The following QTMAN variants were observed in gnomAD, a reference collection of about 807,000 sequenced individuals.
QTMAN encodes queuosine-tRNA mannosyltransferase, also known as tRNA-queuosine alpha-mannosyltransferase.
chr2:144,313,549 G>T, the QTMAN span, among the ~76,000 whole-genome samples: 2 of 151,982 alleles, frequency 1.3e-5, no homozygotes, highest in Non-Finnish European at 2.9e-5. Context: ...TTCTTCATCT[G>T]GTCATACAAA....
chr2:143,964,365 C>G, the QTMAN span, among the ~76,000 whole-genome samples: 1 of 152,076 alleles, frequency 6.6e-6, no homozygotes, highest in Non-Finnish European at 1.5e-5. Context: ...TGAGTTTATT[C>G]AATCTTACTA....
the QTMAN span, among the ~76,000 whole-genome samples, chr2:144,247,750 T>C: frequency 6.6e-6 from 1 of 152,214 alleles, no homozygotes; most frequent in Non-Finnish European, 1.5e-5. Flanking sequence ...TTCAGTTCAC[T>C]GCAGCCTTGA....
At chr2:144,167,412 C>T in the QTMAN span, among the ~76,000 whole-genome samples, 2 of 152,082 alleles carry the variant, frequency 1.3e-5, no homozygotes, top group Non-Finnish European at 2.9e-5. Context: ...TACTTTTAAC[C>T]CAGTACACTA....
chr2:143,982,853 C>CAAAAAAA, the QTMAN span, among the ~76,000 whole-genome samples: 4 of 60,996 alleles, frequency 6.6e-5, no homozygotes, highest in South Asian at 5.3e-4. Context: ...GACTCTGTCT[C>CAAAAAAA]AAAAAAAAAA....
chr2:144,298,913 GC>G, the QTMAN span, among the ~76,000 whole-genome samples: 1 of 152,138 alleles, frequency 6.6e-6, no homozygotes, highest in Non-Finnish European at 1.5e-5. Context: ...TCTGCTAAAA[GC>G]TCTTAATGCC....
the QTMAN span, chr2:143,947,134 C>T: frequency 1.9e-6 from 3 of 1,610,304 alleles, no homozygotes; most frequent in African/African-American, 1.3e-5. Flanking sequence ...AGCGATTTCA[C>T]CCTGCAACGA....
chr2:144,045,742 G>A, the QTMAN span, among the ~76,000 whole-genome samples: 1 of 152,160 alleles, frequency 6.6e-6, no homozygotes, highest in Admixed American at 6.6e-5. Flanking sequence ...GTTTTCAGAA[G>A]GTTGATTTAG....
the QTMAN span, among the ~76,000 whole-genome samples, chr2:144,168,722 C>T: frequency 0.015 from 2,244 of 152,118 alleles, 30 homozygotes; most frequent in Non-Finnish European, 0.019. Context: ...TTTCTCTATA[C>T]ATCCTTTTTA....
the QTMAN span, among the ~76,000 whole-genome samples, chr2:144,034,720 T>C: frequency 6.6e-6 from 1 of 152,160 alleles, no homozygotes; most frequent in Non-Finnish European, 1.5e-5. Flanking sequence ...TTGAGTGGAG[T>C]TCAATTAAAG....
the QTMAN span, chr2:144,210,832 C>A: frequency 1.3e-5 from 2 of 152,206 alleles, no homozygotes; most frequent in East Asian, 3.9e-4. Flanking sequence ...TTGATCACAT[C>A]GTAGATATCT....
chr2:144,245,153 G>C, the QTMAN span, among the ~76,000 whole-genome samples: 2 of 152,204 alleles, frequency 1.3e-5, no homozygotes, highest in East Asian at 1.9e-4. Context: ...GTTTCCAAAA[G>C]ACATTAGTCT....
the QTMAN span, among the ~76,000 whole-genome samples, chr2:144,311,441 C>G: frequency 6.6e-6 from 1 of 152,052 alleles, no homozygotes; most frequent in Admixed American, 6.6e-5. Context: ...CGCTATAGCT[C>G]ATAAAGGAAG....
the QTMAN span, among the ~76,000 whole-genome samples, chr2:144,289,134 C>T: frequency 4.0e-5 from 6 of 150,912 alleles, no homozygotes; most frequent in African/African-American, 1.2e-4. Flanking sequence ...CCCGGGTTCA[C>T]GCCATTCTCC....
the QTMAN span, among the ~76,000 whole-genome samples, chr2:144,132,329 A>G: frequency 6.6e-6 from 1 of 152,142 alleles, no homozygotes; most frequent in East Asian, 1.9e-4. Context: ...TTTATTAGGG[A>G]ATGAGCCACT....
At chr2:144,315,483 T>C in the QTMAN span, among the ~76,000 whole-genome samples, 2 of 152,228 alleles carry the variant, frequency 1.3e-5, no homozygotes. Flanking sequence ...TTGACCACCA[T>C]AAGATAGAAA....
chr2:144,320,337 G>C, the QTMAN span, among the ~76,000 whole-genome samples: 1 of 152,126 alleles, frequency 6.6e-6, no homozygotes, highest in Non-Finnish European at 1.5e-5. Context: ...TTTTTGGTGA[G>C]TAGGTAACAT....
chr2:144,293,746 T>C, the QTMAN span, among the ~76,000 whole-genome samples: 1 of 152,194 alleles, frequency 6.6e-6, no homozygotes, highest in Admixed American at 6.5e-5. Flanking sequence ...TGCATATATA[T>C]ACATAAACAG....
chr2:144,102,564 A>G, the QTMAN span, among the ~76,000 whole-genome samples: 1 of 152,218 alleles, frequency 6.6e-6, no homozygotes, highest in African/African-American at 2.4e-5. Flanking sequence ...TCTGTTACAA[A>G]GGATGCTGAG....
At chr2:144,047,918 C>T in the QTMAN span, among the ~76,000 whole-genome samples, 4 of 152,208 alleles carry the variant, frequency 2.6e-5, no homozygotes, top group Non-Finnish European at 5.9e-5. Flanking sequence ...TATTATTTAA[C>T]TATTGAAGAA....
Sources: gnomAD v4.1 joint callset for allele counts (sites outside exome capture counted in the v4.1 genomes callset) on GRCh38, gnomAD v4.1.1 for gene constraint, MANE v1.5 for transcripts, NCBI Gene and HGNC (gene_info 2026-07-23, HGNC 2026-07-21) for gene names.